Variants in PAM observed in about 807,000 individuals in gnomAD.
PAM encodes peptidylglycine alpha-amidating monooxygenase, also known as peptidyl-glycine alpha-amidating monooxygenase.
In PAM, 72 loss-of-function variants were observed where a neutral mutation model predicts 122.1. The ratio of observed to expected loss-of-function variants is 0.59; its 90% confidence interval spans 0.49 to 0.72. The LOEUF is 0.72. Among genes scored for constraint, PAM ranks in the 30% least tolerant of loss-of-function variants. The probability of loss-of-function intolerance (pLI) is 0.00; values close to 1 mark genes in which losing one functional copy is unlikely to be tolerated. For missense variants in PAM, 1,106 were observed against 1,183.7 expected (o/e 0.93, Z 0.96); for synonymous variants, 389 against 404.4 (o/e 0.96, Z 0.46).
chr5:102,949,577 A>T lies in PAM; in HGVS notation c.684A>T (p.Pro228=). The change falls in exon 10 of 26, where the codon CCA becomes CCT. Residue 228 remains proline, a synonymous_variant. Transcript: ENST00000438793. ...TTTCATGCCATTATAAAAATTATCC[A>T]ATGCATGTCTTTGCCTATAGAGTTC... ...SDISCHYKNY[P]MHVFAYRVHT... 6.4e-7 allele frequency: 1 copy of T among 1,553,336 alleles called. No individual in the cohort carries two copies.
intron 5 of PAM, among the ~76,000 whole-genome samples, chr5:102,922,475 G>C (rs1177364698): frequency 6.6e-6 from 1 of 152,142 alleles, no homozygotes; most frequent in Non-Finnish European, 1.5e-5. Flanking sequence ...GTGTTGTCTG[G>C]AGACAATGTC....
chr5:102,829,945 A>G (rs1774944864), intron 1 of PAM, among the ~76,000 whole-genome samples: 1 of 152,194 alleles, frequency 6.6e-6, no homozygotes, highest in Non-Finnish European at 1.5e-5. Flanking sequence ...TTCAGAATCT[A>G]GAAAGAATAC....
chr5:102,889,567 C>T (rs969890076), intron 3 of PAM, among the ~76,000 whole-genome samples: 7 of 151,684 alleles, frequency 4.6e-5, no homozygotes, highest in Non-Finnish European at 1.0e-4. Context: ...TTTGTGTCTT[C>T]TATTTTTTTT....
chr5:102,923,071 C>A (rs574501729), intron 5 of PAM, among the ~76,000 whole-genome samples: 1 of 152,316 alleles, frequency 6.6e-6, no homozygotes, highest in East Asian at 1.9e-4. Flanking sequence ...ACACATTACA[C>A]AATCTCTTTC....
At chr5:102,782,111 C>T (rs1195554733) in intron 1 of PAM, among the ~76,000 whole-genome samples, 1 of 152,200 alleles carries the variant, frequency 6.6e-6, no homozygotes, top group Non-Finnish European at 1.5e-5. Context: ...TTCCTAGGAG[C>T]TCAACATTTG....
intron 4 of PAM, among the ~76,000 whole-genome samples, chr5:102,910,935 C>G (rs1035018864): frequency 6.6e-6 from 1 of 151,908 alleles, no homozygotes; most frequent in Non-Finnish European, 1.5e-5. Flanking sequence ...CTAGAATTCA[C>G]TAGGGGTGGG....
intron 4 of PAM, among the ~76,000 whole-genome samples, chr5:102,902,263 G>C (rs1798184844): frequency 6.6e-6 from 1 of 151,478 alleles, no homozygotes; most frequent in South Asian, 2.1e-4. Flanking sequence ...GTAGCCTTGG[G>C]GCAGTCTGAG....
intron 3 of PAM, among the ~76,000 whole-genome samples, chr5:102,875,360 A>AT (rs1374834156): frequency 6.6e-6 from 1 of 151,740 alleles, no homozygotes; most frequent in African/African-American, 2.4e-5. Flanking sequence ...ACCCGGCTTA[A>AT]TTTTTTTATT....
At chr5:102,935,262 CT>C (rs1234182708) in intron 7 of PAM, among the ~76,000 whole-genome samples, 1 of 151,094 alleles carries the variant, frequency 6.6e-6, no homozygotes, top group African/African-American at 2.5e-5. Context: ...TGTATATGTA[CT>C]TTTTTCTTTT....
intron 12 of PAM, among the ~76,000 whole-genome samples, chr5:102,956,583 T>C (rs1341500335): frequency 2.0e-5 from 3 of 152,116 alleles, no homozygotes; most frequent in South Asian, 4.1e-4. Flanking sequence ...TGTACCTTGG[T>C]ACACACTATT....
intron 1 of PAM, among the ~76,000 whole-genome samples, chr5:102,784,373 C>T (rs1759929784): frequency 6.6e-6 from 1 of 152,136 alleles, no homozygotes; most frequent in South Asian, 2.1e-4. Context: ...CCCCCTTGCA[C>T]CCACACACCT....
intron 1 of PAM, among the ~76,000 whole-genome samples, chr5:102,864,340 AGCTGAAG>A (rs1445791572): frequency 1.3e-5 from 2 of 152,060 alleles, no homozygotes; most frequent in African/African-American, 4.8e-5. Context: ...ATAAGGATAA[AGCTGAAG>A]GTTTTTGTTT....
In PAM at chr5:102,792,613, A is replaced by G. The variant is rs74399649; in HGVS notation, c.-374+37265A>G. 7.2e-3 allele frequency among the ~76,000 whole-genome samples: 1,095 copies of G among 152,334 alleles called. 7 individuals carry two copies. The highest frequency in any genetic ancestry group is 0.025 in the African/African-American group (1,041 of 41,588). ...AAGAGTTGGAATGGGGCAGTGTAATAACATGAAAGGCTGATGACAAATTTA... is the reference window on the plus strand; with the variant it reads ...AAGAGTTGGAATGGGGCAGTGTAATGACATGAAAGGCTGATGACAAATTTA... On this transcript the variant is annotated intron_variant, in intron 1 of 25. Coordinates refer to ENST00000438793, the MANE Select transcript of PAM (RefSeq NM_001177306.2).
At chr5:102,961,855 A>T (rs753810231) in intron 14 of PAM, among the ~76,000 whole-genome samples, 3 of 151,948 alleles carry the variant, frequency 2.0e-5, no homozygotes, top group Non-Finnish European at 4.4e-5. Flanking sequence ...TACTTCCCTG[A>T]ATCTTGGCTT....
intron 14 of PAM, among the ~76,000 whole-genome samples, chr5:102,962,875 A>G (rs1582236519): frequency 6.6e-6 from 1 of 151,936 alleles, no homozygotes; most frequent in East Asian, 1.9e-4. Flanking sequence ...TATATACCCA[A>G]ATATACAAAT....
intron 1 of PAM, among the ~76,000 whole-genome samples, chr5:102,863,729 GATT>G (rs934597180): frequency 6.9e-6 from 1 of 145,838 alleles, no homozygotes; most frequent in Non-Finnish European, 1.5e-5. Context: ...AATAAAATTT[GATT>G]ATTATATGTT....
intron 1 of PAM, among the ~76,000 whole-genome samples, chr5:102,854,886 T>C (rs1473573366): frequency 1.3e-5 from 2 of 152,180 alleles, no homozygotes; most frequent in African/African-American, 2.4e-5. Flanking sequence ...CATGGGGAAT[T>C]TGGGGACACT....
At chr5:102,864,114 T>C (rs1784867194) in intron 1 of PAM, among the ~76,000 whole-genome samples, 1 of 150,182 alleles carries the variant, frequency 6.7e-6, no homozygotes, top group African/African-American at 2.4e-5. Context: ...GAAGAGGGAC[T>C]GTCCTTGAAT....
Position 103,017,385 on chromosome 5 carries a change from A to C in PAM, c.2383A>C (p.Ile795Leu), listed in dbSNP as rs375271861. 52 of 1,612,534 alleles carry C rather than the reference A, an allele frequency of 3.2e-5. No individual in the cohort carries two copies. The East Asian group carries it at 3.3e-4, about 10-fold the overall frequency. Residue 795 changes from isoleucine (I) to leucine (L), a missense_variant, in exon 22 of 26, where the codon ATT becomes CTT. Coordinates refer to ENST00000438793, the MANE Select transcript of PAM (RefSeq NM_001177306.2). ...TGCATCTGAAGATGGGACTGTGTAC[A>C]TTGGAGATGCTCATACCAACACCGT... ...IVASEDGTVY[I>L]GDAHTNTVWK...
Sources: allele counts gnomAD v4.1 joint callset (sites outside exome capture counted in the v4.1 genomes callset), GRCh38; gene constraint gnomAD v4.1.1; transcripts MANE v1.5; gene names NCBI Gene and HGNC (gene_info 2026-07-23, HGNC 2026-07-21).